Variants in KCNK9 observed in about 807,000 individuals in gnomAD.
KCNK9 encodes the protein potassium channel subfamily K member 9.
KCNK9 carries 1 observed loss-of-function variant against 10.8 expected under a neutral mutation model. That is an observed-to-expected ratio of 0.09 (90% CI 0.03 to 0.44). KCNK9 has a LOEUF of 0.44. Ranked by LOEUF, KCNK9 falls within the 20% of genes least tolerant of loss-of-function variation. The probability of loss-of-function intolerance (pLI) is 0.97; values close to 1 mark genes in which losing one functional copy is unlikely to be tolerated. For synonymous variants in KCNK9, 231 were observed against 222.7 expected, an observed-to-expected ratio of 1.04 and a Z score of -0.33; for missense variants, 303 against 515.0, an observed-to-expected ratio of 0.59 and a Z score of 3.98.
intron 1 of KCNK9, among the ~76,000 whole-genome samples, chr8:139,675,976 A>C (rs6985343): frequency 0.57 from 85,935 of 152,022 alleles, 24,426 homozygotes; most frequent in Admixed American, 0.6. Context: ...CACTGCTTTT[A>C]CAGGCCTGAG....
chr8:139,619,459 A>ATGT (rs1193459674), intron 1 of KCNK9, among the ~76,000 whole-genome samples: 36 of 152,322 alleles, frequency 2.4e-4, no homozygotes, highest in Non-Finnish European at 3.7e-4. Flanking sequence ...AGCCACATAA[A>ATGT]GGCTTTAAAA....
chr8:139,679,067 A>G (rs1816625803), intron 1 of KCNK9, among the ~76,000 whole-genome samples: 1 of 152,096 alleles, frequency 6.6e-6, no homozygotes, highest in African/African-American at 2.4e-5. Flanking sequence ...CGTAAGCATC[A>G]GAGGCAGGGT....
chr8:139,671,355 G>A (rs942825428), intron 1 of KCNK9, among the ~76,000 whole-genome samples: 10 of 152,244 alleles, frequency 6.6e-5, no homozygotes, highest in East Asian at 1.9e-4. Context: ...TACTGTGTTC[G>A]CAGTGGAAGG....
chr8:139,622,599 A>AC (rs1200890037), intron 1 of KCNK9, among the ~76,000 whole-genome samples: 2 of 152,006 alleles, frequency 1.3e-5, no homozygotes, highest in African/African-American at 4.8e-5. Context: ...TGCTCCACAT[A>AC]CCCCTCATTG....
In KCNK9 at chr8:139,702,023, C is replaced by A. The variant is rs1370094430; in HGVS notation, c.283+687G>T. On this transcript the variant is annotated intron_variant, in intron 1 of 1. Coordinates refer to ENST00000520439, the MANE Select transcript of KCNK9 (RefSeq NM_001282534.2). This position sits in a 1 kb window ranked among gnomAD's most constrained non-coding sequence, Gnocchi z 7.5. ...GAGTGGGCAGGTTCTGCCCTGCCCC[C>A]ACTCTCCACCTCTACTGAGAGCAAT... Among the ~76,000 whole-genome samples the A allele has an allele frequency of 6.6e-6, 1 of 152,184 alleles. No individual in the cohort carries two copies. The highest frequency in any genetic ancestry group is 1.5e-5 in the Non-Finnish European group (1 of 68,030).
chr8:139,634,285 A>T (rs566328799), intron 1 of KCNK9, among the ~76,000 whole-genome samples: 6 of 152,332 alleles, frequency 3.9e-5, no homozygotes, highest in Non-Finnish European at 1.5e-5. Context: ...GCCAACAAGC[A>T]GCTCCAGTTA....
At chr8:139,678,905 C>T (rs1816621272) in intron 1 of KCNK9, among the ~76,000 whole-genome samples, 1 of 152,270 alleles carries the variant, frequency 6.6e-6, no homozygotes, top group African/African-American at 2.4e-5. Context: ...CTAAATCCAG[C>T]TTTTACATCT....
At chr8:139,663,788 A>C (rs1416412917) in intron 1 of KCNK9, among the ~76,000 whole-genome samples, 2 of 152,108 alleles carry the variant, frequency 1.3e-5, no homozygotes, top group Non-Finnish European at 2.9e-5. Flanking sequence ...TGCCTGCCTG[A>C]GCCCAGCCAG....
intron 1 of KCNK9, among the ~76,000 whole-genome samples, chr8:139,665,397 C>A (rs541648201): frequency 3.7e-4 from 57 of 152,322 alleles, no homozygotes; most frequent in African/African-American, 1.3e-3. Context: ...CTTATAAAGA[C>A]GCTGATATCA....
intron 1 of KCNK9, among the ~76,000 whole-genome samples, chr8:139,675,674 G>A (rs867304868): frequency 5.9e-5 from 9 of 152,102 alleles, no homozygotes; most frequent in African/African-American, 1.9e-4. Context: ...ATAGCAGCCC[G>A]AAATAAGACA....
At chr8:139,696,995 G>A (rs1195554920) in intron 1 of KCNK9, among the ~76,000 whole-genome samples, 1 of 151,692 alleles carries the variant, frequency 6.6e-6, no homozygotes, top group Non-Finnish European at 1.5e-5. Context: ...GTGGATGAAT[G>A]GGTGGATGGG....
chr8:139,650,376 C>T (rs996326932), intron 1 of KCNK9, among the ~76,000 whole-genome samples: 3 of 152,188 alleles, frequency 2.0e-5, no homozygotes, highest in Admixed American at 6.5e-5. Flanking sequence ...ACCTGGCACA[C>T]ACAGTGCTTT....
In KCNK9 at chr8:139,656,485, C is replaced by G. The variant is rs559685395; in HGVS notation, c.284-37386G>C. ...CCTGGGCGCGCTTGCCTCTCCCTCA[C>G]AATCTGCAGACAGGACCCGCCAGGT... On this transcript the variant is annotated intron_variant, in intron 1 of 1. Coordinates refer to ENST00000520439, the MANE Select transcript of KCNK9 (RefSeq NM_001282534.2). Among the ~76,000 whole-genome samples the G allele has an allele frequency of 1.6e-4, 25 of 152,272 alleles. No homozygotes were observed. The South Asian group carries it at 5.2e-3, about 32-fold the overall frequency.
At chr8:139,701,898 C>A (rs1005080363) in intron 1 of KCNK9, among the ~76,000 whole-genome samples, 2 of 152,200 alleles carry the variant, frequency 1.3e-5, no homozygotes, top group Non-Finnish European at 2.9e-5. Context: ...GGCGGGCATC[C>A]CTGCAGTTTA....
In KCNK9 at chr8:139,680,758, C is replaced by T. The variant is rs183930232; in HGVS notation, c.283+21952G>A. 6.9e-4 allele frequency among the ~76,000 whole-genome samples: 105 copies of T among 152,172 alleles called. 1 individual carries two copies. The highest frequency in any genetic ancestry group is 1.6e-4 in the Non-Finnish European group (11 of 67,990). On this transcript the variant is annotated intron_variant, in intron 1 of 1. Coordinates refer to ENST00000520439, the MANE Select transcript of KCNK9 (RefSeq NM_001282534.2). ...GAGAAGGTGCTTAGCTTCTCTGGGG[C>T]CACCCATTATTAAAGGCCACACTAG...
chr8:139,700,182 G>A (rs372306285), intron 1 of KCNK9, among the ~76,000 whole-genome samples: 3 of 152,330 alleles, frequency 2.0e-5, no homozygotes, highest in South Asian at 4.1e-4. Context: ...GCGGAGGCTC[G>A]ATCAGGCTTC....
intron 1 of KCNK9, among the ~76,000 whole-genome samples, chr8:139,662,221 G>C (rs1461771032): frequency 6.6e-6 from 1 of 152,164 alleles, no homozygotes; most frequent in African/African-American, 2.4e-5. Flanking sequence ...AGGCAGAGAT[G>C]GCAGGAGCAG....
At chr8:139,672,675 G>A (rs571586810) in intron 1 of KCNK9, among the ~76,000 whole-genome samples, 7 of 152,240 alleles carry the variant, frequency 4.6e-5, no homozygotes, top group East Asian at 1.9e-4. Context: ...CACAGCCCCC[G>A]TGGGGGAGCC....
chr8:139,617,892 T>A lies in KCNK9; in HGVS notation c.*366A>T. ...GCGTGATGTGCAGCTTTGGGGTGGG[T>A]ATCCTCTCAGCTCTGTCTCCGTGGT... is the stretch of plus-strand genomic sequence containing the variant. On this transcript the variant is annotated 3_prime_UTR_variant, in exon 2 of 2. Coordinates refer to ENST00000520439, the MANE Select transcript of KCNK9 (RefSeq NM_001282534.2). The A allele has an allele frequency of 3.2e-6, 1 of 316,910 alleles. No individual in the cohort carries two copies. The highest frequency in any genetic ancestry group is 6.1e-6 in the Non-Finnish European group (1 of 165,022). The allele number at this position is 316,910 out of a possible 1,614,324, so 19.6% of individuals were successfully genotyped here. A position where few individuals can be genotyped will look rare whatever the true frequency, so the allele number is the denominator to read the frequency against.
Sources: allele counts gnomAD v4.1 joint callset (sites outside exome capture counted in the v4.1 genomes callset), GRCh38; gene constraint gnomAD v4.1.1; non-coding constraint Gnocchi (gnomAD v3.1); transcripts MANE v1.5; gene names NCBI Gene and HGNC (gene_info 2026-07-23, HGNC 2026-07-21).